STAG3: variants seen among roughly 807,000 people sequenced by gnomAD.
STAG3 encodes cohesin subunit SA-3.
STAG3 carries 101 observed loss-of-function variants against 160.7 expected under a neutral mutation model. The observed-to-expected ratio is 0.63, with a 90% CI of 0.54 to 0.74. The LOEUF (loss-of-function observed/expected upper bound fraction) is 0.74, where lower values mean the gene tolerates loss of function less well. Ranked by LOEUF, STAG3 falls within the 30% of genes least tolerant of loss-of-function variation. The probability of loss-of-function intolerance (pLI) is 0.00; values close to 1 mark genes in which losing one functional copy is unlikely to be tolerated. For synonymous variants in STAG3, 519 were observed against 585.0 expected (o/e 0.89, Z 1.63); for missense variants, 1,188 against 1,517.4 (o/e 0.78, Z 3.61).
At chr7:100,189,307 C>T in intron 7 of STAG3, 138 bp from the exon 8 acceptor site, 3 of 992,378 alleles carry the variant, frequency 3.0e-6, no homozygotes, top group Non-Finnish European at 4.4e-6. Flanking sequence ...CCAGGACAGG[C>T]CGTCTTAGGA....
chr7:100,215,247 C>T (rs1727133), downstream of STAG3: 105,158 of 152,110 alleles, frequency 0.69, 37,037 homozygotes, highest in Middle Eastern at 0.86. Context: ...CTAGGTCAGA[C>T]ACAGCCATCC....
In STAG3 at chr7:100,204,689, C is replaced by T. The variant is rs773996328; in HGVS notation, c.2865C>T (p.Ile955=). The T allele has an allele frequency of 1.2e-5, 19 of 1,614,068 alleles. No individual in the cohort carries two copies. The highest frequency in any genetic ancestry group is 8.8e-5 in the South Asian group (8 of 91,070). Residue 955 remains isoleucine, a synonymous_variant, in exon 27 of 34, where the codon ATC becomes ATT. Transcript: ENST00000615138. ...GCCTGAATGAGCTTCCTGCCTTCAT[C>T]GAGATGAGGGACCTGGCCCGGAGGT... ...PQGLNELPAF[I]EMRDLARRFA...
intron 29 of STAG3, among the ~76,000 whole-genome samples, chr7:100,206,159 C>T (rs1459108554): frequency 2.0e-5 from 3 of 151,570 alleles, no homozygotes; most frequent in African/African-American, 4.8e-5. Flanking sequence ...GGACTACAGG[C>T]ACCCGCCACC....
intron 29 of STAG3, among the ~76,000 whole-genome samples, chr7:100,206,155 C>T (rs1251274419): frequency 1.3e-5 from 2 of 151,706 alleles, no homozygotes; most frequent in Non-Finnish European, 2.9e-5. Context: ...GCTGGGACTA[C>T]AGGCACCCGC....
At chr7:100,182,245 G>C in intron 3 of STAG3, 53 bp downstream of exon 3, 1 of 1,382,226 alleles carries the variant, frequency 7.2e-7, no homozygotes, top group Non-Finnish European at 1.0e-6. Flanking sequence ...AAGCAGCCCA[G>C]CTACTTGGGA....
At chr7:100,198,697 C>T in intron 13 of STAG3, 115 bp downstream of exon 13, 5 of 1,261,766 alleles carry the variant, frequency 4.0e-6, no homozygotes, top group South Asian at 3.7e-5. Flanking sequence ...CTGGTGTCTC[C>T]TTTCTTCTCG....
At chr7:100,200,588 CA>C (rs1448976230) in intron 18 of STAG3, 46 bp downstream of exon 18, 1 of 1,591,374 alleles carries the variant, frequency 6.3e-7, no homozygotes, top group South Asian at 1.1e-5. Context: ...CTGCCAGGGC[CA>C]AAGGGTTCTA....
chr7:100,179,327 GTCC>G (rs1306652869), intron 1 of STAG3, among the ~76,000 whole-genome samples: 10 of 149,732 alleles, frequency 6.7e-5, no homozygotes, highest in African/African-American at 2.5e-4. Flanking sequence ...GGCTCAAGCA[GTCC>G]TCCTGTCTCA....
chr7:100,188,640 C>T, intron 6 of STAG3, 111 bp downstream of exon 6: 1 of 1,137,960 alleles, frequency 8.8e-7, no homozygotes, highest in Non-Finnish European at 1.3e-6. Context: ...AGGAGGAATT[C>T]AGTCTCTTGG....
At chr7:100,199,673 C>G (rs1800944940) in intron 16 of STAG3, 29 bp downstream of exon 16, 1 of 1,495,776 alleles carries the variant, frequency 6.7e-7, no homozygotes, top group Non-Finnish European at 9.1e-7. Context: ...GTGGGTAGGT[C>G]AGCAATACTC....
chr7:100,211,077 T>TC lies in STAG3; in HGVS notation c.3308dup (p.Pro1104AlafsTer87). ...GAAGAAAGTCTGCAGCTGAACAGCA[T>TC]CCCGCCCACGCCCACCCTCACCTCC... On this transcript the variant is annotated frameshift_variant, in exon 30 of 34. Transcript: ENST00000615138. LOFTEE classifies it high-confidence loss of function. 1.2e-6 allele frequency: 2 copies of TC among 1,600,802 alleles called. No homozygotes were observed. The highest frequency in any genetic ancestry group is 8.6e-7 in the Non-Finnish European group (1 of 1,168,820).
At position 100,199,657 on chromosome 7, in the gene STAG3, G is replaced by T. The variant is rs755270421; in HGVS notation, c.1677+13G>T. 3 of 1,558,462 alleles carry T rather than the reference G, an allele frequency of 1.9e-6. No individual in the cohort carries two copies. The highest frequency in any genetic ancestry group is 1.7e-4 in the Middle Eastern group (1 of 5,868). On this transcript the variant is annotated intron_variant, in intron 16 of 33. Transcript: ENST00000615138. ...CACTGGGAGGAAGGTATGGTGTGAG[G>T]GTAGAGTGGGTAGGTCAGCAATACT...
intron 1 of STAG3, among the ~76,000 whole-genome samples, chr7:100,178,997 T>C (rs1419882143): frequency 6.6e-6 from 1 of 151,854 alleles, no homozygotes; most frequent in East Asian, 1.9e-4. Context: ...TGGCTAGTTT[T>C]TTTGGTTTTG....
intron 32 of STAG3, chr7:100,212,119 C>T: frequency 2.4e-6 from 1 of 409,972 alleles, no homozygotes; most frequent in Non-Finnish European, 4.4e-6. Context: ...CGCTCCCAAT[C>T]CCTAAATAAA....
chr7:100,204,490 AGAAG>A, intron 26 of STAG3, 133 bp from the exon 27 acceptor site: 2 of 1,076,444 alleles, frequency 1.9e-6, no homozygotes, highest in Non-Finnish European at 2.6e-6. Context: ...GGAGTTCCCT[AGAAG>A]GAAGGAAAGA....
In STAG3 at chr7:100,197,665, G is replaced by A. The variant is rs376973168; in HGVS notation, c.1066-113G>A. 1.5e-5 allele frequency: 13 copies of A among 870,718 alleles called. No individual in the cohort carries two copies. In the East Asian group the frequency reaches 2.9e-4, roughly 19 times the overall value. The allele number at this position is 870,718 out of a possible 1,614,324, so 53.9% of individuals were successfully genotyped here. Reference sequence around the variant, plus strand: ...TGACATCTTAAGAGTCCTCAGTAGAGGGGACACCCAAGCTAGAATGAGGGA... The same window carrying A: ...TGACATCTTAAGAGTCCTCAGTAGAAGGGACACCCAAGCTAGAATGAGGGA... On this transcript the variant is annotated intron_variant, in intron 10 of 33. Coordinates refer to ENST00000615138, the MANE Select transcript of STAG3 (RefSeq NM_001282717.2).
intron 7 of STAG3, among the ~76,000 whole-genome samples, chr7:100,189,234 C>T (rs1357092555): frequency 1.3e-5 from 2 of 152,096 alleles, no homozygotes; most frequent in Non-Finnish European, 2.9e-5. Flanking sequence ...TGTCAGAGCT[C>T]ACCACTAGGG....
chr7:100,213,754 C>T lies in STAG3; in HGVS notation c.3620C>T (p.Ser1207Phe), dbSNP rs373213176. 2 of 1,614,122 alleles carry T rather than the reference C, an allele frequency of 1.2e-6. No individual in the cohort carries two copies. Among genetic ancestry groups the T allele is most frequent in the Non-Finnish European group, 1.7e-6 (2 of 1,180,058 alleles). ...CTCTAGCAAGCAAGTAGCTACTCTT[C>T]CACCAGTGAGCGCGGGCTGGACCTC... is the stretch of plus-strand genomic sequence containing the variant. ...DTDMQASSYS[S>F]TSERGLDLLD... The change falls in exon 33 of 34, where the codon TCC becomes TTC. Residue 1207 changes from serine to phenylalanine, a missense_variant. By Grantham distance (155) the Ser-to-Phe change is radical. Transcript: ENST00000615138.
At chr7:100,213,545 C>T (rs1255621872) in intron 32 of STAG3, 190 bp from the exon 33 acceptor site, 6 of 985,230 alleles carry the variant, frequency 6.1e-6, no homozygotes, top group Admixed American at 6.2e-5. Context: ...GCTCAGTCAG[C>T]AGGCCAAGAA....
Sources: allele counts gnomAD v4.1 joint callset (sites outside exome capture counted in the v4.1 genomes callset), GRCh38; gene constraint gnomAD v4.1.1; transcripts MANE v1.5; gene names NCBI Gene and HGNC (gene_info 2026-07-23, HGNC 2026-07-21).